Variants in CDC20B observed in about 807,000 individuals in gnomAD.
The protein encoded by CDC20B is cell division cycle protein 20 homolog B.
A neutral mutation model predicts 64.1 loss-of-function variants in CDC20B; 58 were observed. The ratio of observed to expected loss-of-function variants is 0.90; its 90% CI spans 0.73 to 1.13. The LOEUF (loss-of-function observed/expected upper bound fraction) is 1.13, where lower values mean the gene tolerates loss of function less well. Among genes scored for constraint, CDC20B ranks in the 50% most tolerant of loss-of-function variants. The pLI, the probability that CDC20B is intolerant of heterozygous loss-of-function variation, is 0.00. For missense variants in CDC20B, 597 were observed against 633.0 expected (o/e 0.94, Z 0.61); for synonymous variants, 243 against 230.6 (o/e 1.05, Z -0.49).
chr5:55,162,766 T>G (rs1402135164), intron 2 of CDC20B, among the ~76,000 whole-genome samples: 1 of 152,242 alleles, frequency 6.6e-6, no homozygotes, highest in African/African-American at 2.4e-5. Context: ...GTGGGTGCAA[T>G]AGCTCATAGG....
intron 4 of CDC20B, among the ~76,000 whole-genome samples, chr5:55,142,371 C>A (rs1157256380): frequency 6.6e-6 from 1 of 152,168 alleles, no homozygotes; most frequent in African/African-American, 2.4e-5. Flanking sequence ...CACCATAGAA[C>A]AGCTTCCATT....
chr5:55,119,808 C>A lies in CDC20B; in HGVS notation c.1452G>T (p.Gly484=). The change falls in exon 11 of 12, where the codon GGG becomes GGT. Residue 484 remains glycine (G), a synonymous_variant. Coordinates refer to ENST00000381375, the MANE Select transcript of CDC20B (RefSeq NM_001170402.1). ...WTCPTVSRSG[G]FFGHRGRVLH... ...ACTCACCCATTTGCTTACCAAAAAACCCACCTGACCTGGACACAGTGGGAC... is the reference window on the plus strand; with the variant it reads ...ACTCACCCATTTGCTTACCAAAAAAACCACCTGACCTGGACACAGTGGGAC... 11 of 1,612,636 alleles carry A rather than the reference C, an allele frequency of 6.8e-6. No homozygotes were observed. The highest frequency in any genetic ancestry group is 9.3e-6 in the Non-Finnish European group (11 of 1,178,802).
intron 2 of CDC20B, among the ~76,000 whole-genome samples, chr5:55,171,624 G>T (rs1744602641): frequency 6.6e-6 from 1 of 151,714 alleles, no homozygotes; most frequent in African/African-American, 2.4e-5. Flanking sequence ...TTTTTAAGAG[G>T]CAGGGTCTGG....
chr5:55,118,914 C>T (rs62360382), intron 11 of CDC20B, among the ~76,000 whole-genome samples: 18,757 of 152,176 alleles, frequency 0.12, 1,333 homozygotes, highest in East Asian at 0.26. Flanking sequence ...CCTAACATTG[C>T]ATATATTTGT....
At chr5:55,161,325 C>T in intron 2 of CDC20B, 1 of 1,375,248 alleles carries the variant, frequency 7.3e-7, no homozygotes, top group Non-Finnish European at 1.0e-6. Context: ...CAGGACAATA[C>T]TTTCCTATTT....
chr5:55,160,113 C>G, intron 2 of CDC20B: 5 of 1,026,504 alleles, frequency 4.9e-6, no homozygotes, highest in Non-Finnish European at 7.6e-6. Flanking sequence ...TCCTGGTTTT[C>G]CGTTAAACTA....
At chr5:55,127,447 A>C in intron 7 of CDC20B, 96 bp from the exon 8 acceptor site, 1 of 950,034 alleles carries the variant, frequency 1.1e-6, no homozygotes, top group Non-Finnish European at 1.7e-6. Context: ...TGATATTGTT[A>C]GTTTTTGTAC....
At chr5:55,151,617 C>T (rs1416415681) in intron 2 of CDC20B, among the ~76,000 whole-genome samples, 1 of 152,210 alleles carries the variant, frequency 6.6e-6, no homozygotes, top group Non-Finnish European at 1.5e-5. Context: ...TGAGAAGTTG[C>T]ACGTTAACAA....
chr5:55,170,864 A>T, intron 2 of CDC20B: 1 of 345,894 alleles, frequency 2.9e-6, no homozygotes, highest in South Asian at 2.3e-5. Context: ...TATTACTTCA[A>T]GACTATAAGA....
chr5:55,161,658 T>A (rs764695296), intron 2 of CDC20B, among the ~76,000 whole-genome samples: 10 of 152,244 alleles, frequency 6.6e-5, no homozygotes, highest in Non-Finnish European at 1.3e-4. Context: ...CATATGTTTG[T>A]GGCTAATTTT....
chr5:55,139,549 A>G (rs552853966), intron 5 of CDC20B, among the ~76,000 whole-genome samples: 39 of 152,352 alleles, frequency 2.6e-4, no homozygotes, highest in Non-Finnish European at 4.6e-4. Flanking sequence ...TATCTAGTAA[A>G]TGAAAACTAA....
chr5:55,171,022 C>T (rs1171673274), intron 2 of CDC20B, among the ~76,000 whole-genome samples: 2 of 152,180 alleles, frequency 1.3e-5, no homozygotes, highest in African/African-American at 4.8e-5. Context: ...TTAAAAGTTA[C>T]TTAACTGTAG....
At chr5:55,142,135 GACTTACT>G (rs1743346711) in intron 4 of CDC20B, among the ~76,000 whole-genome samples, 1 of 152,048 alleles carries the variant, frequency 6.6e-6, no homozygotes, top group South Asian at 2.1e-4. Flanking sequence ...AGATGAGATC[GACTTACT>G]ACTTTAATCA....
intron 5 of CDC20B, among the ~76,000 whole-genome samples, chr5:55,135,216 T>C (rs1743129018): frequency 1.3e-5 from 2 of 150,842 alleles, no homozygotes; most frequent in Non-Finnish European, 2.9e-5. Flanking sequence ...TAATAAAGTG[T>C]ATGTGTGTGT....
At chr5:55,169,491 C>T (rs759781630) in intron 2 of CDC20B, among the ~76,000 whole-genome samples, 4 of 152,182 alleles carry the variant, frequency 2.6e-5, no homozygotes, top group Non-Finnish European at 5.9e-5. Context: ...CTTCGTGGGT[C>T]AAAATGCCTC....
At chr5:55,128,804 C>T (rs908879707) in intron 6 of CDC20B, among the ~76,000 whole-genome samples, 187 bp from the exon 7 acceptor site, 1 of 152,076 alleles carries the variant, frequency 6.6e-6, no homozygotes, top group South Asian at 2.1e-4. Context: ...CTAGTGTCAA[C>T]ACTCACAGTC....
intron 2 of CDC20B, among the ~76,000 whole-genome samples, chr5:55,155,192 T>A (rs1161085199): frequency 6.6e-6 from 1 of 152,252 alleles, no homozygotes; most frequent in Non-Finnish European, 1.5e-5. Flanking sequence ...CATAGTGACA[T>A]TAAACCAGGA....
At chr5:55,129,366 T>C (rs1352251361) in intron 6 of CDC20B, among the ~76,000 whole-genome samples, 1 of 152,092 alleles carries the variant, frequency 6.6e-6, no homozygotes, top group Non-Finnish European at 1.5e-5. Context: ...GAGTCAAAAT[T>C]TGGAGAAGCA....
intron 2 of CDC20B, chr5:55,160,149 C>A: frequency 6.8e-7 from 1 of 1,475,608 alleles, no homozygotes; most frequent in Non-Finnish European, 9.5e-7. Context: ...TCAGCTCCTC[C>A]TTGAATTCCA....
Sources: allele counts gnomAD v4.1 joint callset (sites outside exome capture counted in the v4.1 genomes callset), GRCh38; gene constraint gnomAD v4.1.1; transcripts MANE v1.5; gene names NCBI Gene and HGNC (gene_info 2026-07-23, HGNC 2026-07-21).